RIMS2: variants seen among roughly 807,000 people sequenced by gnomAD.
RIMS2 encodes regulating synaptic membrane exocytosis protein 2.
RIMS2 carries 59 observed loss-of-function variants against 174.4 expected under a neutral mutation model. The observed-to-expected ratio is 0.34, with a 90% confidence interval of 0.27 to 0.42. The LOEUF is 0.42. RIMS2 is among the 10% of genes least tolerant of loss of function. The pLI, the probability that RIMS2 is intolerant of heterozygous loss-of-function variation, is 1.00. For missense variants in RIMS2, 1,620 were observed against 1,666.3 expected (o/e 0.97, Z 0.48); for synonymous variants, 606 against 572.5 (o/e 1.06, Z -0.84).
At chr8:103,985,129 AC>A (rs1027164704) in intron 16 of RIMS2, among the ~76,000 whole-genome samples, 7 of 152,310 alleles carry the variant, frequency 4.6e-5, no homozygotes, top group African/African-American at 1.7e-4. Context: ...TGATAGCACA[AC>A]AGGGTGACTA....
intron 1 of RIMS2, among the ~76,000 whole-genome samples, chr8:103,515,466 C>T (rs1828542508): frequency 6.6e-6 from 1 of 152,058 alleles, no homozygotes; most frequent in African/African-American, 2.4e-5. Flanking sequence ...TATTTTTAAC[C>T]CATAAACTTC....
At chr8:103,995,163 C>G (rs2094999736) in intron 17 of RIMS2, among the ~76,000 whole-genome samples, 1 of 151,934 alleles carries the variant, frequency 6.6e-6, no homozygotes, top group South Asian at 2.1e-4. Flanking sequence ...AACCACTGCT[C>G]TTTTTTGAGA....
exon 13 of RIMS2, chr8:103,936,719 C>G (rs17854257): frequency 0.011 from 17,581 of 1,598,186 alleles, 322 homozygotes; most frequent in East Asian, 0.071. Context: ...AATTCTTAGG[C>G]GAGGTATCTG....
intron 11 of RIMS2, among the ~76,000 whole-genome samples, chr8:103,928,046 G>T (rs1159954805): frequency 2.0e-5 from 3 of 151,430 alleles, no homozygotes; most frequent in African/African-American, 7.3e-5. Flanking sequence ...GTAAAATTTT[G>T]CATGGGGATT....
At chr8:104,120,367 CATT>C (rs1405055412) in intron 19 of RIMS2, among the ~76,000 whole-genome samples, 2 of 152,112 alleles carry the variant, frequency 1.3e-5, no homozygotes, top group Non-Finnish European at 2.9e-5. Flanking sequence ...TAATTCCTAA[CATT>C]AGTCATTGGC....
chr8:103,550,541 AAGAACT>A (rs1313175010), intron 1 of RIMS2, among the ~76,000 whole-genome samples: 1 of 152,164 alleles, frequency 6.6e-6, no homozygotes, highest in Non-Finnish European at 1.5e-5. Context: ...TCACAAGTAA[AAGAACT>A]AGAGAAGCAA....
chr8:103,968,310 C>T (rs1364971518), intron 15 of RIMS2, among the ~76,000 whole-genome samples: 1 of 151,978 alleles, frequency 6.6e-6, no homozygotes, highest in Non-Finnish European at 1.5e-5. Flanking sequence ...TTAGTTAGTG[C>T]ATGTAAATGA....
intron 1 of RIMS2, among the ~76,000 whole-genome samples, chr8:103,614,050 A>G (rs2095448569): frequency 6.6e-6 from 1 of 152,234 alleles, no homozygotes; most frequent in Non-Finnish European, 1.5e-5. Context: ...TGGTGTCTCC[A>G]TAGGTCACAT....
At chr8:103,791,032 C>A (rs28485499) in intron 3 of RIMS2, among the ~76,000 whole-genome samples, 16 of 152,248 alleles carry the variant, frequency 1.1e-4, no homozygotes, top group Non-Finnish European at 1.8e-4. Context: ...CCCAACCTAG[C>A]AAGGCAGGCC....
At chr8:104,055,695 C>T (rs1459538276) in intron 19 of RIMS2, among the ~76,000 whole-genome samples, 1 of 152,090 alleles carries the variant, frequency 6.6e-6, no homozygotes, top group Non-Finnish European at 1.5e-5. Context: ...TCTTCTATAC[C>T]TGTCACTGTA....
In RIMS2 at chr8:104,146,476, T is replaced by C. The variant is rs529436500; in HGVS notation, c.3335-98440T>C. ...GAAGTGCACTTGTTTCAAACAAAGT[T>C]CTCATTAAAATATTGTTTATCTGCA... On this transcript the variant is annotated intron_variant, in intron 19 of 23. Transcript: ENST00000504942. Among the ~76,000 whole-genome samples the C allele has an allele frequency of 2.0e-5, 3 of 152,356 alleles. No homozygotes were observed. The South Asian group carries it at 6.2e-4, about 32-fold the overall frequency.
intron 19 of RIMS2, among the ~76,000 whole-genome samples, chr8:104,061,152 C>T (rs1162787525): frequency 6.6e-6 from 1 of 152,120 alleles, no homozygotes; most frequent in Admixed American, 6.6e-5. Context: ...GTTGATCTGT[C>T]TAATGTTGAC....
At chr8:104,108,645 A>G (rs924805121) in intron 19 of RIMS2, among the ~76,000 whole-genome samples, 3 of 152,058 alleles carry the variant, frequency 2.0e-5, no homozygotes, top group Non-Finnish European at 4.4e-5. Flanking sequence ...GTTAGATTTC[A>G]TGCAGGATTT....
intron 3 of RIMS2, among the ~76,000 whole-genome samples, chr8:103,833,137 CT>C (rs2154480476): frequency 6.6e-6 from 1 of 152,232 alleles, no homozygotes; most frequent in African/African-American, 2.4e-5. Context: ...TGTTGACACT[CT>C]TTTTTGTTTG....
intron 1 of RIMS2, among the ~76,000 whole-genome samples, chr8:103,551,772 T>C (rs1393852387): frequency 6.6e-6 from 1 of 152,146 alleles, no homozygotes; most frequent in Non-Finnish European, 1.5e-5. Context: ...CAAAAATCAA[T>C]GTGCAAAAAT....
At position 103,872,293 on chromosome 8, in the gene RIMS2, A is replaced by T. The variant is rs114839949; in HGVS notation, c.699-13005A>T. Among the ~76,000 whole-genome samples the T allele has an allele frequency of 3.6e-3, 548 of 152,314 alleles. 9 individuals are homozygous for T. The highest frequency in any genetic ancestry group is 0.013 in the African/African-American group (526 of 41,576). On this transcript the variant is annotated intron_variant, in intron 3 of 23. Transcript: ENST00000504942. ...CTCTCTCCTTGGCTTGTATTTCATC[A>T]GATAACCTGCACATATTTTTTGTTC...
chr8:104,142,519 TA>T (rs1243775237), intron 19 of RIMS2, among the ~76,000 whole-genome samples: 2 of 152,122 alleles, frequency 1.3e-5, no homozygotes, highest in Admixed American at 1.3e-4. Context: ...ATCATGTTTT[TA>T]AAAAAAGAAA....
intron 17 of RIMS2, among the ~76,000 whole-genome samples, chr8:103,991,172 G>A (rs1296606648): frequency 6.6e-6 from 1 of 151,234 alleles, no homozygotes; most frequent in Non-Finnish European, 1.5e-5. Flanking sequence ...AAATCTTTTA[G>A]TTTAGCAAAA....
intron 1 of RIMS2, among the ~76,000 whole-genome samples, chr8:103,512,706 T>A (rs796251296): frequency 1.5e-4 from 23 of 152,306 alleles, no homozygotes; most frequent in African/African-American, 5.1e-4. Flanking sequence ...AAAATATAAC[T>A]ATCACAGGAT....
Sources: allele counts gnomAD v4.1 joint callset (sites outside exome capture counted in the v4.1 genomes callset), GRCh38; gene constraint gnomAD v4.1.1; transcripts MANE v1.5; gene names NCBI Gene and HGNC (gene_info 2026-07-23, HGNC 2026-07-21).